Variants in TSPAN7 observed in about 807,000 individuals in gnomAD.
TSPAN7 encodes tetraspanin 7.
Under a neutral mutation model 17.6 loss-of-function variants are expected in TSPAN7, and 1 was observed. That is an observed-to-expected ratio of 0.06 (90% CI 0.02 to 0.27). The LOEUF is 0.27. TSPAN7 is among the 10% of genes least tolerant of loss of function. The pLI, the probability that TSPAN7 is intolerant of heterozygous loss-of-function variation, is 1.00. For synonymous variants in TSPAN7, 78 were observed against 79.0 expected, an observed-to-expected ratio of 0.99 and a Z score of 0.07; for missense variants, 112 against 201.7, an observed-to-expected ratio of 0.56 and a Z score of 2.69.
At chrX:38,579,103 T>A (rs187602343) in intron 1 of TSPAN7, among the ~76,000 whole-genome samples, 1 of 111,911 alleles carries the variant, frequency 8.9e-6, no homozygotes, top group East Asian at 2.8e-4. Context: ...CCTTCTTTTA[T>A]ATATAACATG....
intron 1 of TSPAN7, among the ~76,000 whole-genome samples, chrX:38,661,870 C>T (rs2069748022): frequency 9.1e-6 from 1 of 110,180 alleles, no homozygotes. Flanking sequence ...GTTCGAAAGT[C>T]ATGTTTGAGA....
intron 2 of TSPAN7, among the ~76,000 whole-genome samples, chrX:38,666,699 T>G (rs2147450044): frequency 9.1e-6 from 1 of 109,891 alleles, no homozygotes; most frequent in South Asian, 4.0e-4. Context: ...CCTGGGTTCA[T>G]GCCATTCTCC....
chrX:38,588,576 G>T (rs1011233426), intron 1 of TSPAN7, among the ~76,000 whole-genome samples: 6 of 112,005 alleles, frequency 5.4e-5, no homozygotes, highest in Admixed American at 1.9e-4. Flanking sequence ...GAATAATTCT[G>T]CCAGTTCCAC....
chrX:38,561,669 C>A, intron 1 of TSPAN7, 42 bp downstream of exon 1: 1 of 1,096,666 alleles, frequency 9.1e-7, no homozygotes. Context: ...CGCTGTCCAT[C>A]GGTCCGTATG....
intron 1 of TSPAN7, among the ~76,000 whole-genome samples, chrX:38,644,171 T>C (rs1373329089): frequency 8.9e-6 from 1 of 112,004 alleles, no homozygotes; most frequent in African/African-American, 3.3e-5. Flanking sequence ...AGTAGGGTGA[T>C]GTATAGGCTA....
chrX:38,682,796 G>A (rs1211102417), intron 6 of TSPAN7, among the ~76,000 whole-genome samples: 1 of 111,932 alleles, frequency 8.9e-6, no homozygotes, highest in East Asian at 2.8e-4. Context: ...ATTTCTTCTA[G>A]TTGCTATAAT....
intron 1 of TSPAN7, among the ~76,000 whole-genome samples, chrX:38,583,172 G>A (rs1420315311): frequency 8.9e-6 from 1 of 112,281 alleles, no homozygotes; most frequent in Non-Finnish European, 1.9e-5. Flanking sequence ...ACCCATTATG[G>A]TCCTCACTGT....
intron 1 of TSPAN7, among the ~76,000 whole-genome samples, chrX:38,656,552 G>A (rs1446765678): frequency 1.8e-5 from 2 of 111,341 alleles, no homozygotes; most frequent in Non-Finnish European, 3.8e-5. Flanking sequence ...AGATAAAGGA[G>A]GTGGGGCATA....
At chrX:38,624,680 T>A (rs4141581) in intron 1 of TSPAN7, among the ~76,000 whole-genome samples, 38,637 of 111,509 alleles carry the variant, frequency 0.35, 5,133 homozygotes, top group East Asian at 0.68. Flanking sequence ...TAAGTAGTGT[T>A]TTTAATCTTT....
At chrX:38,682,192 T>C (rs1004093128) in intron 6 of TSPAN7, among the ~76,000 whole-genome samples, 3 of 112,014 alleles carry the variant, frequency 2.7e-5, no homozygotes, top group Non-Finnish European at 5.6e-5. Context: ...TATTATTTTT[T>C]TATTTCTTTT....
chrX:38,655,345 A>G (rs2069697039), intron 1 of TSPAN7, among the ~76,000 whole-genome samples: 2 of 110,514 alleles, frequency 1.8e-5, no homozygotes, highest in Non-Finnish European at 3.8e-5. Context: ...CCTTAAAGTT[A>G]TTTTTTTCAT....
At chrX:38,675,984 T>G (rs1418249359) in intron 5 of TSPAN7, 124 bp downstream of exon 5, 1 of 917,330 alleles carries the variant, frequency 1.1e-6, no homozygotes, top group Non-Finnish European at 1.5e-6. Flanking sequence ...TCTTACTTTG[T>G]GGTTCCTTGA....
intron 1 of TSPAN7, among the ~76,000 whole-genome samples, chrX:38,586,969 A>G (rs111439312): frequency 8.9e-6 from 1 of 112,499 alleles, no homozygotes; most frequent in Non-Finnish European, 1.9e-5. Flanking sequence ...CTGACTTTAC[A>G]TAATAGGTTT....
At chrX:38,676,208 C>T (rs1243416584) in intron 5 of TSPAN7, among the ~76,000 whole-genome samples, 1 of 111,191 alleles carries the variant, frequency 9.0e-6, no homozygotes, top group Non-Finnish European at 1.9e-5. Context: ...ACCATCTAAA[C>T]ATGAAATTGT....
Position 38,664,418 on chromosome X carries a change from T to G in TSPAN7, c.82-1703T>G, listed in dbSNP as rs187484152. Among the ~76,000 whole-genome samples the G allele has an allele frequency of 9.0e-5, 10 of 111,586 alleles. No individual in the cohort carries two copies. The Admixed American group carries it at 9.5e-4, about 11-fold the overall frequency. On this transcript the variant is annotated intron_variant, in intron 1 of 7. Coordinates refer to ENST00000378482, the MANE Select transcript of TSPAN7 (RefSeq NM_004615.4). ...TTTGATTTTAGCAGGTAAAAGGCATTTTATGTTTCCGTGTTGGGGAGTATG... is the reference window on the plus strand; with the variant it reads ...TTTGATTTTAGCAGGTAAAAGGCATGTTATGTTTCCGTGTTGGGGAGTATG...
At chrX:38,621,805 G>A (rs141786860) in intron 1 of TSPAN7, among the ~76,000 whole-genome samples, 12 of 112,256 alleles carry the variant, frequency 1.1e-4, no homozygotes, top group Admixed American at 6.6e-4. Flanking sequence ...TGTCACTTGC[G>A]TTTCAGAAAC....
At chrX:38,687,707 G>A (rs1285895406) in intron 7 of TSPAN7, 33 bp downstream of exon 7, 8 of 1,163,831 alleles carry the variant, frequency 6.9e-6, no homozygotes, top group Non-Finnish European at 9.3e-6. Context: ...TAATTTTGAG[G>A]GGTCCCCTTT....
At chrX:38,629,934 G>A (rs1256002214) in intron 1 of TSPAN7, among the ~76,000 whole-genome samples, 1 of 111,018 alleles carries the variant, frequency 9.0e-6, no homozygotes, top group African/African-American at 3.3e-5. Flanking sequence ...TTTTTCCTTT[G>A]GGCTCTAAAA....
chrX:38,612,744 C>T (rs1470172221), intron 1 of TSPAN7: 1 of 111,757 alleles, frequency 8.9e-6, no homozygotes, highest in Non-Finnish European at 1.9e-5. Context: ...GAGTAGAATT[C>T]AAAGCTCTAA....
Sources: allele counts gnomAD v4.1 joint callset (sites outside exome capture counted in the v4.1 genomes callset), GRCh38; gene constraint gnomAD v4.1.1; transcripts MANE v1.5; gene names NCBI Gene and HGNC (gene_info 2026-07-23, HGNC 2026-07-21).